PKP4: variants seen among roughly 807,000 people sequenced by gnomAD.
The protein encoded by PKP4 is plakophilin-4.
PKP4 carries 90 observed loss-of-function variants against 145.1 expected under a neutral mutation model. The ratio of observed to expected loss-of-function variants is 0.62; its 90% CI spans 0.52 to 0.74. PKP4 has a LOEUF of 0.74. Among genes scored for constraint, PKP4 ranks in the 30% least tolerant of loss-of-function variants. The pLI is 0.00. For synonymous variants in PKP4, 563 were observed against 577.2 expected (o/e 0.98, Z 0.35); for missense variants, 1,340 against 1,482.7 (o/e 0.90, Z 1.58).
chr2:158,577,215 C>T (rs1272962134), intron 2 of PKP4, 56 bp from the exon 3 acceptor site: 7 of 1,025,838 alleles, frequency 6.8e-6, no homozygotes, highest in Non-Finnish European at 1.0e-5. Flanking sequence ...ATTCATATAT[C>T]TGCCTGAGCA....
intron 1 of PKP4, among the ~76,000 whole-genome samples, chr2:158,508,382 AAAAAAAGAAG>A (rs757829019): frequency 6.9e-5 from 8 of 116,708 alleles, no homozygotes; most frequent in African/African-American, 2.0e-4. Flanking sequence ...AAAAAAAAAA[AAAAAAAGAAG>A]AAGAAGATGC....
At position 158,662,770 on chromosome 2, in the gene PKP4, A is replaced by G. The variant is rs1295987988; in HGVS notation, c.2212-127A>G. 7 of 676,938 alleles carry G rather than the reference A, an allele frequency of 1.0e-5. No homozygotes were observed. In the South Asian group the frequency reaches 1.5e-4, roughly 15 times the overall value. The allele number at this position is 676,938 out of a possible 1,614,324, so 41.9% of individuals were successfully genotyped here. A position where few individuals can be genotyped will look rare whatever the true frequency, so the allele number is the denominator to read the frequency against. ...ATAATTCTCTCTTCAGATTGTTTCAAGTTCTCATAAATAAAAAGTAGTTCT... is the reference window on the plus strand; with the variant it reads ...ATAATTCTCTCTTCAGATTGTTTCAGGTTCTCATAAATAAAAAGTAGTTCT... On this transcript the variant is annotated intron_variant, in intron 13 of 21. Coordinates refer to ENST00000389759, the MANE Select transcript of PKP4 (RefSeq NM_003628.6).
chr2:158,550,994 C>G (rs1406623131), intron 2 of PKP4, among the ~76,000 whole-genome samples: 1 of 152,126 alleles, frequency 6.6e-6, no homozygotes, highest in Non-Finnish European at 1.5e-5. Flanking sequence ...AATATGTGAC[C>G]ATATATTCAA....
chr2:158,615,003 A>G (rs2051456461), intron 4 of PKP4, among the ~76,000 whole-genome samples: 1 of 149,212 alleles, frequency 6.7e-6, no homozygotes, highest in Non-Finnish European at 1.5e-5. Context: ...TTATCTTAGT[A>G]TATTTTACAA....
intron 2 of PKP4, among the ~76,000 whole-genome samples, chr2:158,554,534 T>C (rs879419535): frequency 6.6e-6 from 1 of 151,798 alleles, no homozygotes; most frequent in Non-Finnish European, 1.5e-5. Context: ...CACACCATTC[T>C]CCTGTCTCAG....
intron 4 of PKP4, among the ~76,000 whole-genome samples, chr2:158,610,364 C>A (rs1388283007): frequency 2.0e-5 from 3 of 151,736 alleles, no homozygotes; most frequent in African/African-American, 4.8e-5. Context: ...CTTGTAAGAA[C>A]GTATATAATA....
Position 158,652,406 on chromosome 2 carries a change from G to T in PKP4, c.1910-5725G>T, listed in dbSNP as rs534266469. Among the ~76,000 whole-genome samples the T allele has an allele frequency of 5.9e-5, 9 of 152,254 alleles. No individual in the cohort carries two copies. In the South Asian group the frequency reaches 1.7e-3, roughly 28 times the overall value. On this transcript the variant is annotated intron_variant, in intron 11 of 21. Coordinates refer to ENST00000389759, the MANE Select transcript of PKP4 (RefSeq NM_003628.6). ...ATTGTAGCAGGATGTAGGTGCCATA[G>T]CATCTTGGCATTACTCTCGTCCCAA...
intron 3 of PKP4, among the ~76,000 whole-genome samples, chr2:158,597,550 C>T (rs932747669): frequency 2.6e-5 from 4 of 152,176 alleles, no homozygotes; most frequent in Non-Finnish European, 4.4e-5. Context: ...AGGTGACCAA[C>T]TCTCCTCAAG....
intron 1 of PKP4, among the ~76,000 whole-genome samples, chr2:158,512,353 T>C (rs1273201622): frequency 6.6e-6 from 1 of 152,186 alleles, no homozygotes; most frequent in African/African-American, 2.4e-5. Flanking sequence ...TTTAAACCCA[T>C]GAATATTGAA....
intron 1 of PKP4, among the ~76,000 whole-genome samples, chr2:158,494,741 A>G (rs771335521): frequency 2.6e-5 from 4 of 152,070 alleles, no homozygotes; most frequent in East Asian, 3.9e-4. Flanking sequence ...TAGTTTTGCT[A>G]TTTGCTTGCT....
chr2:158,642,740 A>T, intron 11 of PKP4, 41 bp downstream of exon 11: 1 of 1,474,692 alleles, frequency 6.8e-7, no homozygotes, highest in East Asian at 2.3e-5. Flanking sequence ...GAAATGTTGA[A>T]AACAGTCTGG....
At position 158,515,720 on chromosome 2, in the gene PKP4, G is replaced by T. The variant is rs573024734; in HGVS notation, c.-5-17460G>T. Among the ~76,000 whole-genome samples, 19 of 152,244 alleles carry T rather than the reference G, an allele frequency of 1.2e-4. No individual in the cohort carries two copies. The South Asian group carries it at 3.5e-3, about 28-fold the overall frequency. ...CATATTGTGGGATTTCCCAAAGTATGTTCCTCAGAATGTTAATAGATGATC... is the reference window on the plus strand; with the variant it reads ...CATATTGTGGGATTTCCCAAAGTATTTTCCTCAGAATGTTAATAGATGATC... On this transcript the variant is annotated intron_variant, in intron 1 of 21. Coordinates refer to ENST00000389759, the MANE Select transcript of PKP4 (RefSeq NM_003628.6).
intron 19 of PKP4, among the ~76,000 whole-genome samples, chr2:158,676,283 G>C (rs1378067214): frequency 6.6e-6 from 1 of 152,214 alleles, no homozygotes; most frequent in Non-Finnish European, 1.5e-5. Flanking sequence ...TAAAACTTCT[G>C]TTGGCTGAAG....
At chr2:158,578,233 T>C (rs1364115067) in intron 3 of PKP4, 2 of 230,688 alleles carry the variant, frequency 8.7e-6, no homozygotes, top group Non-Finnish European at 1.9e-5. Flanking sequence ...TTGTTTCTGA[T>C]TGTTGGTATG....
At chr2:158,656,690 G>A (rs2055966738) in intron 11 of PKP4, among the ~76,000 whole-genome samples, 2 of 152,160 alleles carry the variant, frequency 1.3e-5, no homozygotes, top group Admixed American at 1.3e-4. Flanking sequence ...CAAGCATCAG[G>A]TTCCAGTCCG....
At chr2:158,577,681 T>G (rs2047975306) in intron 3 of PKP4, among the ~76,000 whole-genome samples, 1 of 152,244 alleles carries the variant, frequency 6.6e-6, no homozygotes, top group African/African-American at 2.4e-5. Flanking sequence ...TGCTAATTAT[T>G]TGGTAAAGTT....
At chr2:158,499,760 A>G (rs1295938297) in intron 1 of PKP4, among the ~76,000 whole-genome samples, 2 of 152,192 alleles carry the variant, frequency 1.3e-5, no homozygotes, top group African/African-American at 4.8e-5. Context: ...TGAAAAAAAA[A>G]TTGGTAATAC....
rs2053632304 is a variant in PKP4 at position 158,634,286 on chromosome 2, C to A, written c.1559C>A (p.Pro520His). The A allele has an allele frequency of 6.2e-7, 1 of 1,613,066 alleles. No individual in the cohort carries two copies. Among genetic ancestry groups the A allele is most frequent in the Non-Finnish European group, 8.5e-7 (1 of 1,179,244 alleles). Residue 520 changes from proline (P) to histidine (H), a missense_variant, in exon 9 of 22, where the codon CCC becomes CAC. Physicochemically the swap from Pro to His is moderately conservative, Grantham distance 77. Transcript: ENST00000389759. ...TCAATAGACAGCATTCAGAAGGACCCCAGGCGAGTACCAGTTAGGAGTCTC... is the reference window on the plus strand; with the variant it reads ...TCAATAGACAGCATTCAGAAGGACCACAGGCGAGTACCAGTTAGGAGTCTC... Reference protein sequence around the residue: ...SPSIDSIQKDPREFAWRDPEL... With the variant: ...SPSIDSIQKDHREFAWRDPEL...
chr2:158,574,131 A>G (rs920986846), intron 2 of PKP4, among the ~76,000 whole-genome samples: 2 of 152,252 alleles, frequency 1.3e-5, no homozygotes, highest in African/African-American at 4.8e-5. Flanking sequence ...GTAAATACAA[A>G]GAAAAGCTTT....
Sources: gnomAD v4.1 joint callset for allele counts (sites outside exome capture counted in the v4.1 genomes callset) on GRCh38, gnomAD v4.1.1 for gene constraint, MANE v1.5 for transcripts, NCBI Gene and HGNC (gene_info 2026-07-23, HGNC 2026-07-21) for gene names.